The following NREP variants were observed in gnomAD, a reference collection of about 807,000 sequenced individuals.
NREP encodes the protein neuronal regeneration related protein.
NREP carries 5 observed loss-of-function variants against 8.6 expected under a neutral mutation model. The observed-to-expected ratio is 0.58, with a 90% CI of 0.30 to 1.22. The LOEUF (loss-of-function observed/expected upper bound fraction) is 1.22. Among genes scored for constraint, NREP ranks in the 50% most tolerant of loss-of-function variants. The pLI is 0.07. For synonymous variants in NREP, 27 were observed against 28.0 expected (o/e 0.96, Z 0.11); for missense variants, 86 against 82.5 (o/e 1.04, Z -0.17).
intron 2 of NREP, among the ~76,000 whole-genome samples, chr5:111,962,237 C>A (rs1057275436): frequency 6.6e-6 from 1 of 152,046 alleles, no homozygotes; most frequent in Non-Finnish European, 1.5e-5. Flanking sequence ...TGAGAAAATG[C>A]CTTTATTCAT....
chr5:111,900,947 T>C (rs906844647), intron 2 of NREP, among the ~76,000 whole-genome samples: 4 of 152,068 alleles, frequency 2.6e-5, no homozygotes, highest in Non-Finnish European at 4.4e-5. Context: ...CAGACTAGGC[T>C]ACAACAAATA....
At chr5:111,964,866 A>T (rs1228821187) in intron 2 of NREP, among the ~76,000 whole-genome samples, 147 of 108,754 alleles carry the variant, frequency 1.4e-3, no homozygotes, top group Middle Eastern at 4.0e-3. Flanking sequence ...AAAAAAAAAA[A>T]AAAAAAAAAA....
At chr5:111,935,531 AT>A (rs1755659210) in intron 2 of NREP, among the ~76,000 whole-genome samples, 1 of 152,108 alleles carries the variant, frequency 6.6e-6, no homozygotes, top group South Asian at 2.1e-4. Flanking sequence ...GTACTTTGAA[AT>A]TTAGCTATAA....
chr5:111,937,653 C>T (rs1331001067), intron 2 of NREP, among the ~76,000 whole-genome samples: 1 of 152,008 alleles, frequency 6.6e-6, no homozygotes, highest in East Asian at 1.9e-4. Flanking sequence ...AGAAAGGACC[C>T]ATCTATTTTC....
chr5:111,824,243 C>G (rs1218445159), intron 2 of NREP, among the ~76,000 whole-genome samples: 1 of 152,138 alleles, frequency 6.6e-6, no homozygotes, highest in Non-Finnish European at 1.5e-5. Context: ...GTGGTGGGCA[C>G]CTGTAATCCC....
intron 2 of NREP, among the ~76,000 whole-genome samples, chr5:111,832,178 C>T (rs1450440313): frequency 2.0e-5 from 3 of 152,042 alleles, no homozygotes; most frequent in East Asian, 1.9e-4. Context: ...CCTTAGACCT[C>T]AGTAGGTACA....
At chr5:111,800,225 G>T (rs1006071019) in intron 2 of NREP, among the ~76,000 whole-genome samples, 2 of 152,144 alleles carry the variant, frequency 1.3e-5, no homozygotes, top group Non-Finnish European at 2.9e-5. Context: ...ACCACACACG[G>T]TTTGAAATGT....
chr5:111,806,519 G>T (rs1402951037), intron 2 of NREP, among the ~76,000 whole-genome samples: 2 of 152,164 alleles, frequency 1.3e-5, no homozygotes, highest in African/African-American at 4.8e-5. Context: ...AGAGAAAAAT[G>T]ATTTCTCACC....
chr5:111,964,923 A>C (rs187959637), intron 2 of NREP, among the ~76,000 whole-genome samples: 1 of 149,638 alleles, frequency 6.7e-6, no homozygotes, highest in Non-Finnish European at 1.5e-5. Flanking sequence ...ACTTAAAATT[A>C]CTTAAACAAT....
chr5:111,819,116 T>C (rs1752458849), intron 2 of NREP, among the ~76,000 whole-genome samples: 2 of 152,140 alleles, frequency 1.3e-5, no homozygotes, highest in South Asian at 2.1e-4. Flanking sequence ...TTGCCTCTAG[T>C]TTCAGTAAAC....
chr5:111,823,975 A>G (rs1318642060), intron 2 of NREP, among the ~76,000 whole-genome samples: 1 of 152,232 alleles, frequency 6.6e-6, no homozygotes, highest in Non-Finnish European at 1.5e-5. Context: ...ATACAGATAA[A>G]TATCTACTTT....
At chr5:111,887,005 A>G (rs1011203890) in intron 2 of NREP, among the ~76,000 whole-genome samples, 1 of 151,890 alleles carries the variant, frequency 6.6e-6, no homozygotes, top group East Asian at 1.9e-4. Flanking sequence ...AAAATAAAAA[A>G]AAAAACATCC....
intron 2 of NREP, among the ~76,000 whole-genome samples, chr5:111,888,373 G>C (rs536481585): frequency 2.8e-4 from 43 of 152,132 alleles, no homozygotes; most frequent in Non-Finnish European, 5.3e-4. Flanking sequence ...TACAATCATG[G>C]TGGGAGGCAA....
intron 2 of NREP, among the ~76,000 whole-genome samples, chr5:111,832,864 C>T (rs558798852): frequency 1.3e-5 from 2 of 152,128 alleles, no homozygotes; most frequent in East Asian, 3.9e-4. Context: ...ACAAACGGGG[C>T]AAGTTGGACT....
chr5:111,776,132 T>C (rs1028506991), intron 2 of NREP, among the ~76,000 whole-genome samples: 5 of 152,144 alleles, frequency 3.3e-5, no homozygotes, highest in African/African-American at 7.2e-5. Flanking sequence ...TGGAGAGCAA[T>C]TTGGTCATAT....
chr5:111,900,534 A>G (rs1274627132), intron 2 of NREP, among the ~76,000 whole-genome samples: 1 of 152,118 alleles, frequency 6.6e-6, no homozygotes, highest in Non-Finnish European at 1.5e-5. Context: ...GCCAAGAAAA[A>G]AAGAGTAAAT....
chr5:111,888,846 G>A (rs1371414368), intron 2 of NREP, among the ~76,000 whole-genome samples: 1 of 152,116 alleles, frequency 6.6e-6, no homozygotes, highest in Non-Finnish European at 1.5e-5. Context: ...TCTCTCTCGA[G>A]ACCTCATTGA....
intron 2 of NREP, among the ~76,000 whole-genome samples, chr5:111,928,913 C>G (rs1191852760): frequency 6.6e-6 from 1 of 152,098 alleles, no homozygotes; most frequent in Non-Finnish European, 1.5e-5. Flanking sequence ...GTGTATGTCC[C>G]AGTTTAAAAC....
intron 2 of NREP, among the ~76,000 whole-genome samples, chr5:111,736,169 C>T (rs1432862259): frequency 2.0e-5 from 3 of 152,054 alleles, no homozygotes; most frequent in South Asian, 2.1e-4. Flanking sequence ...ATAAGGTTGC[C>T]GACCAGCTGT....
Sources: gnomAD v4.1 joint callset for allele counts (sites outside exome capture counted in the v4.1 genomes callset) on GRCh38, gnomAD v4.1.1 for gene constraint, MANE v1.5 for transcripts, NCBI Gene and HGNC (gene_info 2026-07-23, HGNC 2026-07-21) for gene names.